Variants in UBTD2 observed in about 807,000 individuals in gnomAD.
UBTD2 encodes ubiquitin domain-containing protein 2.
In UBTD2, 9 loss-of-function variants were observed where a neutral mutation model predicts 19.8. The ratio of observed to expected loss-of-function variants is 0.46; its 90% CI spans 0.27 to 0.79. UBTD2 has a LOEUF of 0.79. UBTD2 is among the 30% of genes least tolerant of loss of function. The pLI is 0.14. For missense variants in UBTD2, 250 were observed against 300.4 expected (o/e 0.83, Z 1.24); for synonymous variants, 98 against 103.9 (o/e 0.94, Z 0.35).
chr5:172,221,689 G>A (rs1291107727), intron 2 of UBTD2, among the ~76,000 whole-genome samples: 1 of 152,130 alleles, frequency 6.6e-6, no homozygotes, highest in Non-Finnish European at 1.5e-5. Context: ...GTTGCCATGG[G>A]GTTAGGAGGG....
intron 1 of UBTD2, among the ~76,000 whole-genome samples, chr5:172,236,683 T>C (rs1046458783): frequency 2.0e-5 from 3 of 152,234 alleles, no homozygotes; most frequent in Non-Finnish European, 4.4e-5. Flanking sequence ...CTCAGTAAGA[T>C]ATTTATCTGA....
intron 1 of UBTD2, among the ~76,000 whole-genome samples, chr5:172,275,821 C>T (rs1755595607): frequency 6.6e-6 from 1 of 152,190 alleles, no homozygotes; most frequent in South Asian, 2.1e-4. Context: ...TAAACCAGGG[C>T]TTTTCCCAGA....
At chr5:172,233,434 CTA>C (rs1491173642) in intron 2 of UBTD2, among the ~76,000 whole-genome samples, 4 of 69,624 alleles carry the variant, frequency 5.7e-5, no homozygotes, top group Non-Finnish European at 1.2e-4. Flanking sequence ...ATGAAAAATT[CTA>C]TGTTTCTCAT....
At chr5:172,234,545 T>C (rs1357037999) in intron 1 of UBTD2, among the ~76,000 whole-genome samples, 187 bp from the exon 2 acceptor site, 1 of 152,224 alleles carries the variant, frequency 6.6e-6, no homozygotes, top group Admixed American at 6.5e-5. Context: ...ATAGAGACAT[T>C]AGACTGCTCT....
At chr5:172,254,927 C>G (rs1408604996) in intron 1 of UBTD2, 6 of 509,418 alleles carry the variant, frequency 1.2e-5, no homozygotes, top group Non-Finnish European at 2.3e-5. Flanking sequence ...CCTCCTCCTC[C>G]TCAAGGAGAC....
At position 172,252,232 on chromosome 5, in the gene UBTD2, C is replaced by A. The variant is rs1184960651; in HGVS notation, c.71-17874G>T. 4 of 152,288 alleles carry A rather than the reference C, an allele frequency of 2.6e-5. No individual in the cohort carries two copies. In the East Asian group the frequency reaches 7.7e-4, roughly 29 times the overall value. 9.4% of individuals were successfully genotyped at this position (152,288 alleles called of 1,614,324 possible). ...TTTCACCTACCCTCCCAAAGTGAAA[C>A]TGTATTATTAACCCATTTGAGAGGT... On this transcript the variant is annotated intron_variant, in intron 1 of 2. Transcript: ENST00000393792.
chr5:172,268,032 C>T (rs1335970005), intron 1 of UBTD2, among the ~76,000 whole-genome samples: 2 of 152,166 alleles, frequency 1.3e-5, no homozygotes, highest in African/African-American at 4.8e-5. Flanking sequence ...TCTCCAATGC[C>T]ATTATAAAGT....
At chr5:172,233,779 T>C (rs1357471317) in intron 2 of UBTD2, among the ~76,000 whole-genome samples, 1 of 122,182 alleles carries the variant, frequency 8.2e-6, no homozygotes, top group Non-Finnish European at 1.6e-5. Context: ...GAAGCTCCAA[T>C]AGATTGGCAG....
At chr5:172,275,088 T>C (rs1470276984) in intron 1 of UBTD2, among the ~76,000 whole-genome samples, 1 of 152,162 alleles carries the variant, frequency 6.6e-6, no homozygotes, top group African/African-American at 2.4e-5. Context: ...AGAAGTCTAA[T>C]TGACTCACAG....
intron 1 of UBTD2, among the ~76,000 whole-genome samples, chr5:172,260,904 A>G (rs1196400777): frequency 6.6e-6 from 1 of 152,232 alleles, no homozygotes; most frequent in African/African-American, 2.4e-5. Context: ...TGATGCAGCC[A>G]TCACAAACCC....
At chr5:172,254,912 TTCC>T (rs750302248) in intron 1 of UBTD2, 274 of 493,248 alleles carry the variant, frequency 5.6e-4, no homozygotes, top group South Asian at 1.1e-3. Context: ...GGAAGACCTC[TTCC>T]TCCTCCTCCT....
chr5:172,243,127 CTTTTT>C (rs377346393), intron 1 of UBTD2, among the ~76,000 whole-genome samples: 1 of 132,678 alleles, frequency 7.5e-6, no homozygotes, highest in Admixed American at 7.7e-5. Flanking sequence ...CATGACTGGC[CTTTTT>C]TTTTTTTTTT....
chr5:172,247,806 G>A (rs1754913299), intron 1 of UBTD2, among the ~76,000 whole-genome samples: 1 of 152,084 alleles, frequency 6.6e-6, no homozygotes, highest in African/African-American at 2.4e-5. Flanking sequence ...GCAAACTGGA[G>A]ACTTGAACAC....
intron 2 of UBTD2, among the ~76,000 whole-genome samples, chr5:172,227,600 G>C (rs958016647): frequency 6.6e-6 from 1 of 151,050 alleles, no homozygotes; most frequent in African/African-American, 2.4e-5. Flanking sequence ...AGCCAGGATG[G>C]TCTCGATCTC....
At chr5:172,273,051 T>C (rs571365321) in intron 1 of UBTD2, among the ~76,000 whole-genome samples, 1 of 143,110 alleles carries the variant, frequency 7.0e-6, no homozygotes, top group South Asian at 2.2e-4. Flanking sequence ...CACTCCAGCC[T>C]GGGCGAGACA....
intron 1 of UBTD2, among the ~76,000 whole-genome samples, chr5:172,274,096 A>G (rs1045087933): frequency 6.6e-6 from 1 of 151,014 alleles, no homozygotes; most frequent in Non-Finnish European, 1.5e-5. Context: ...ATACAAGGAG[A>G]CTAAATCTTC....
At chr5:172,253,455 C>G (rs7735945) in intron 1 of UBTD2, among the ~76,000 whole-genome samples, 48,083 of 147,958 alleles carry the variant, frequency 0.32, 7,810 homozygotes, top group South Asian at 0.44. Context: ...TCAACCCTAT[C>G]AATTTTTTTT....
rs1220118490 is a variant in UBTD2 at position 172,282,101 on chromosome 5, GA to G, written c.70+1494del. On this transcript the variant is annotated intron_variant, in intron 1 of 2. Coordinates refer to ENST00000393792, the MANE Select transcript of UBTD2 (RefSeq NM_152277.3). ...CTTATGACAATATTAAAATGAGTGT[GA>G]AAAAAATTTAATTAAAACTAAACAC... Among the ~76,000 whole-genome samples, 14 of 152,188 alleles carry G rather than the reference GA, an allele frequency of 9.2e-5. No individual in the cohort carries two copies. The East Asian group carries it at 9.6e-4, about 10-fold the overall frequency.
chr5:172,283,608 C>T lies in UBTD2; in HGVS notation c.58G>A (p.Glu20Lys). The T allele has an allele frequency of 1.5e-6, 2 of 1,308,228 alleles. No homozygotes were observed. Among genetic ancestry groups the T allele is most frequent in the Non-Finnish European group, 9.8e-7 (1 of 1,019,946 alleles). The allele number at this position is 1,308,228 out of a possible 1,614,324, so 81.0% of individuals were successfully genotyped here. A position where few individuals can be genotyped will look rare whatever the true frequency, so the allele number is the denominator to read the frequency against. The change falls in exon 1 of 3, where the codon GAG (glutamate) becomes AAG (lysine). Residue 20 changes from glutamate to lysine, a missense_variant. By Grantham distance (56) the Glu-to-Lys change is moderately conservative (BLOSUM62 1). Transcript: ENST00000393792. This position sits in a 1 kb window ranked among gnomAD's most constrained non-coding sequence, Gnocchi z 4.3. ...DSSGSLNENS[E>K]GTGVALGRNQ... ...GGCGCTCACCTACCTCCGGTGCCCT[C>T]CGAGTTCTCGTTGAGGCTGCCCGAG...
Sources: gnomAD v4.1 joint callset for allele counts (sites outside exome capture counted in the v4.1 genomes callset) on GRCh38, gnomAD v4.1.1 for gene constraint, Gnocchi (gnomAD v3.1) non-coding constraint, MANE v1.5 for transcripts, NCBI Gene and HGNC (gene_info 2026-07-23, HGNC 2026-07-21) for gene names.